Variants in ARL1 observed in about 807,000 individuals in gnomAD.
ARL1 encodes the protein ARF like GTPase 1.
A neutral mutation model predicts 30.1 loss-of-function variants in ARL1; 17 were observed. The ratio of observed to expected loss-of-function variants is 0.56; its 90% CI spans 0.39 to 0.85. The LOEUF is 0.85. ARL1 is among the 40% of genes least tolerant of loss of function. The pLI, the probability that ARL1 is intolerant of heterozygous loss-of-function variation, is 0.00. For synonymous variants in ARL1, 58 were observed against 71.7 expected (o/e 0.81, Z 0.97); for missense variants, 102 against 212.6 (o/e 0.48, Z 3.24).
In ARL1 at chr12:101,401,242, C is replaced by T. The variant is rs1871297748; in HGVS notation, c.225-69G>A. On this transcript the variant is annotated intron_variant, in intron 3 of 5. Coordinates refer to ENST00000261636, the MANE Select transcript of ARL1 (RefSeq NM_001177.6). ...AGGAAGAAACTGACATATCAATTGC[C>T]AATTCTGTCCCACACATGTTAGAAT... The T allele has an allele frequency of 1.7e-4, 172 of 992,298 alleles. 3 individuals carry two copies. In the South Asian group the frequency reaches 2.2e-3, roughly 13 times the overall value. The allele number at this position is 992,298 out of a possible 1,614,324, so 61.5% of individuals were successfully genotyped here. A position where few individuals can be genotyped will look rare whatever the true frequency, so the allele number is the denominator to read the frequency against.
At chr12:101,403,232 G>A (rs1871351129) in intron 2 of ARL1, 1 of 464,784 alleles carries the variant, frequency 2.2e-6, no homozygotes, top group Admixed American at 2.4e-5. Flanking sequence ...CCATCTTCAG[G>A]ATATTTTTTA....
chr12:101,405,598 A>G (rs985060331), intron 2 of ARL1: 6 of 239,020 alleles, frequency 2.5e-5, no homozygotes, highest in African/African-American at 1.3e-4. Context: ...AACTTTATCA[A>G]ATACTTTATT....
At chr12:101,406,049 C>T (rs994491598) in intron 1 of ARL1, 68 bp from the exon 2 acceptor site, 4 of 1,303,842 alleles carry the variant, frequency 3.1e-6, no homozygotes, top group Non-Finnish European at 2.1e-6. Context: ...AAACATCTAA[C>T]CTTGTCCTTT....
intron 1 of ARL1, 194 bp downstream of exon 1, chr12:101,407,448 G>A (rs1871477274): frequency 5.9e-6 from 4 of 677,260 alleles, no homozygotes; most frequent in Non-Finnish European, 2.4e-6. Context: ...AACCGAGAGA[G>A]GACGGAGGAG....
chr12:101,396,217 G>A, intron 5 of ARL1, 182 bp downstream of exon 5: 1 of 745,174 alleles, frequency 1.3e-6, no homozygotes, highest in South Asian at 1.7e-5. Context: ...AATCAGGTAG[G>A]TGTGGTTGAG....
At chr12:101,406,382 G>A (rs1435659565) in intron 1 of ARL1, among the ~76,000 whole-genome samples, 1 of 152,180 alleles carries the variant, frequency 6.6e-6, no homozygotes, top group African/African-American at 2.4e-5. Context: ...GTACTGTACA[G>A]CAGCAGTACC....
In ARL1 at chr12:101,407,737, C is replaced by G; in HGVS notation, c.-92G>C. 6.3e-7 allele frequency: 1 copy of G among 1,578,866 alleles called. No homozygotes were observed. The highest frequency in any genetic ancestry group is 8.7e-7 in the Non-Finnish European group (1 of 1,154,462). On this transcript the variant is annotated 5_prime_UTR_variant, in exon 1 of 6. Transcript: ENST00000261636. Reference sequence around the variant, plus strand: ...CGGTTTCCTCGCAAGCCCAGTCAGCCAGCAACTTCCACGTCGGACTCCAGG... The same window carrying G: ...CGGTTTCCTCGCAAGCCCAGTCAGCGAGCAACTTCCACGTCGGACTCCAGG...
rs1871126058 is a variant in ARL1, at chr12:101,395,531, T to C, written c.*109A>G. 9.1e-6 allele frequency: 8 copies of C among 881,112 alleles called. No individual in the cohort carries two copies. Among genetic ancestry groups the C allele is most frequent in the Non-Finnish European group, 1.2e-5 (7 of 560,558 alleles). 54.6% of individuals were successfully genotyped at this position (881,112 alleles called of 1,614,324 possible). ...ACAAATATTGCAGTCAGTCAGTATA[T>C]GCCAATAATCATATAGTTTTAACAT... is the stretch of plus-strand genomic sequence containing the variant. On this transcript the variant is annotated 3_prime_UTR_variant, in exon 6 of 6. Transcript: ENST00000261636.
chr12:101,406,073 C>A, intron 1 of ARL1, 92 bp from the exon 2 acceptor site: 1 of 1,005,450 alleles, frequency 9.9e-7, no homozygotes, highest in Non-Finnish European at 1.4e-6. Context: ...AGCTAAATAC[C>A]AAATTAAATA....
At chr12:101,401,286 C>T in intron 3 of ARL1, 113 bp from the exon 4 acceptor site, 1 of 675,324 alleles carries the variant, frequency 1.5e-6, no homozygotes, top group Non-Finnish European at 2.6e-6. Context: ...TAATGATTCA[C>T]TGTTTCTGGT....
chr12:101,397,854 T>C (rs1222738299), intron 4 of ARL1, among the ~76,000 whole-genome samples: 2 of 152,136 alleles, frequency 1.3e-5, no homozygotes, highest in African/African-American at 4.8e-5. Context: ...GTTTTTCCCC[T>C]ACGAATTGCC....
intron 2 of ARL1, among the ~76,000 whole-genome samples, chr12:101,405,172 T>C (rs1282837637): frequency 6.6e-6 from 1 of 152,232 alleles, no homozygotes; most frequent in East Asian, 1.9e-4. Context: ...TGCCCGGCCT[T>C]CTCTTGATAT....
At chr12:101,399,277 A>G (rs1871236050) in intron 4 of ARL1, among the ~76,000 whole-genome samples, 1 of 152,136 alleles carries the variant, frequency 6.6e-6, no homozygotes, top group Admixed American at 6.5e-5. Flanking sequence ...CTGGCAGATC[A>G]GGAGGCGGGC....
intron 2 of ARL1, chr12:101,403,207 T>C (rs1036528703): frequency 2.9e-5 from 14 of 490,084 alleles, no homozygotes; most frequent in Admixed American, 1.9e-4. Flanking sequence ...AAAACATCAA[T>C]TAGCAAGATC....
At chr12:101,407,545 T>G in intron 1 of ARL1, 97 bp downstream of exon 1, 2 of 1,547,648 alleles carry the variant, frequency 1.3e-6, no homozygotes, top group African/African-American at 2.7e-5. Flanking sequence ...AGCTGGCTAC[T>G]CTAGGGTATC....
chr12:101,395,728 A>G (rs951650034), intron 5 of ARL1, 58 bp from the exon 6 acceptor site: 15 of 1,266,284 alleles, frequency 1.2e-5, no homozygotes, highest in South Asian at 1.0e-4. Flanking sequence ...AAGCATGATC[A>G]TCTATAATAA....
chr12:101,399,197 A>T (rs1871233184), intron 4 of ARL1, among the ~76,000 whole-genome samples: 1 of 152,052 alleles, frequency 6.6e-6, no homozygotes, highest in Admixed American at 6.6e-5. Context: ...TCAGTAGTTC[A>T]AGAAATCAAA....
chr12:101,404,261 C>T (rs968440693), intron 2 of ARL1, among the ~76,000 whole-genome samples: 9 of 152,082 alleles, frequency 5.9e-5, no homozygotes, highest in African/African-American at 2.2e-4. Flanking sequence ...CCTGTAATCC[C>T]AACACTTTGG....
At chr12:101,397,551 T>C (rs536275227) in intron 4 of ARL1, among the ~76,000 whole-genome samples, 1 of 151,962 alleles carries the variant, frequency 6.6e-6, no homozygotes, top group Non-Finnish European at 1.5e-5. Context: ...CAGGCTGAAG[T>C]TGCAGTCGTG....
Sources: gnomAD v4.1 joint callset for allele counts (sites outside exome capture counted in the v4.1 genomes callset) on GRCh38, gnomAD v4.1.1 for gene constraint, MANE v1.5 for transcripts, NCBI Gene and HGNC (gene_info 2026-07-23, HGNC 2026-07-21) for gene names.